Variants in CSMD1 observed in about 807,000 individuals in gnomAD.
The protein encoded by CSMD1 is CUB and Sushi multiple domains 1.
In CSMD1, 213 loss-of-function variants were observed where a neutral mutation model predicts 417.5. The ratio of observed to expected loss-of-function variants is 0.51; its 90% CI spans 0.46 to 0.57. The LOEUF is 0.57. Among genes scored for constraint, CSMD1 ranks in the 20% least tolerant of loss-of-function variants. CSMD1 has a pLI of 0.00. For synonymous variants in CSMD1, 2,862 were observed against 1,736.8 expected, an observed-to-expected ratio of 1.65 and a Z score of -16.11; for missense variants, 6,923 against 4,529.7, an observed-to-expected ratio of 1.53 and a Z score of -15.17.
In CSMD1 at chr8:4,267,072, G is replaced by A. The variant is rs534786499; in HGVS notation, c.415+152881C>T. Among the ~76,000 whole-genome samples, 2 of 103,688 alleles carry A rather than the reference G, an allele frequency of 1.9e-5. 1 individual carries two copies. Among genetic ancestry groups the A allele is most frequent in the African/African-American group, 5.2e-5 (2 of 38,334 alleles). 68.0% of individuals were successfully genotyped at this position (103,688 alleles called of 152,430 possible). ...TTCCTGTTAAAGAGACAAGAATAGA[G>A]TGTCTGTTTACTTCAATGTTATTTT... On this transcript the variant is annotated intron_variant, in intron 3 of 69. Coordinates refer to ENST00000635120, the MANE Select transcript of CSMD1 (RefSeq NM_033225.6).
At chr8:4,910,646 G>C (rs1049480564) in intron 1 of CSMD1, among the ~76,000 whole-genome samples, 2 of 152,134 alleles carry the variant, frequency 1.3e-5, no homozygotes, top group East Asian at 1.9e-4. Context: ...TTGGGGATTA[G>C]ATTTTAACAT....
chr8:3,657,434 T>A (rs1287165412), intron 7 of CSMD1, among the ~76,000 whole-genome samples: 2 of 152,044 alleles, frequency 1.3e-5, no homozygotes. Flanking sequence ...GAAAATGACT[T>A]GGAACCAACC....
In CSMD1 at chr8:4,465,017, G is replaced by A. The variant is rs183578139; in HGVS notation, c.303-44952C>T. ...TGAACCCAGGAGCTACCTTGGGAAAGGAAGAAAATAGGAAAAAAGGGAAAC... is the reference window on the plus strand; with the variant it reads ...TGAACCCAGGAGCTACCTTGGGAAAAGAAGAAAATAGGAAAAAAGGGAAAC... On this transcript the variant is annotated intron_variant, in intron 2 of 69. Coordinates refer to ENST00000635120, the MANE Select transcript of CSMD1 (RefSeq NM_033225.6). Among the ~76,000 whole-genome samples, 9 of 152,170 alleles carry A rather than the reference G, an allele frequency of 5.9e-5. No individual in the cohort carries two copies. In the South Asian group the frequency reaches 1.7e-3, roughly 28 times the overall value.
chr8:3,324,366 G>T (rs571398728), intron 23 of CSMD1, among the ~76,000 whole-genome samples: 2 of 149,958 alleles, frequency 1.3e-5, no homozygotes, highest in African/African-American at 4.9e-5. Context: ...CTAATCCCCA[G>T]GGACCCAGGA....
chr8:4,774,676 G>C (rs1796758195), intron 1 of CSMD1, among the ~76,000 whole-genome samples: 1 of 152,130 alleles, frequency 6.6e-6, no homozygotes, highest in South Asian at 2.1e-4. Context: ...GGAGATGGCA[G>C]AAGTATTGGC....
At chr8:4,765,013 T>C (rs1028291449) in intron 1 of CSMD1, among the ~76,000 whole-genome samples, 4 of 152,284 alleles carry the variant, frequency 2.6e-5, no homozygotes, top group South Asian at 2.1e-4. Flanking sequence ...TGGCTATTTC[T>C]TGTTTAATTA....
rs533570490 is a variant in CSMD1 at position 3,923,142 on chromosome 8, C to G, written c.818+74761G>C. ...AACTCATTAAAAGAGAGCTAGGGTC[C>G]CAGACCACGCCGAAGCTTCATGAGA... is the stretch of plus-strand genomic sequence containing the variant. On this transcript the variant is annotated intron_variant, in intron 5 of 69. Transcript: ENST00000635120. 1.1e-4 allele frequency among the ~76,000 whole-genome samples: 17 copies of G among 152,058 alleles called. No homozygotes were observed. The East Asian group carries it at 3.3e-3, about 29-fold the overall frequency.
chr8:3,336,079 G>GA (rs1417510409), intron 23 of CSMD1, among the ~76,000 whole-genome samples: 2 of 152,234 alleles, frequency 1.3e-5, no homozygotes, highest in African/African-American at 4.8e-5. Flanking sequence ...ACTGAAGTTA[G>GA]AAAAAAATCC....
chr8:3,076,132 TAAC>T (rs1813663464), intron 49 of CSMD1, among the ~76,000 whole-genome samples: 1 of 152,096 alleles, frequency 6.6e-6, no homozygotes, highest in East Asian at 1.9e-4. Context: ...AGGGCTGCCA[TAAC>T]AACACACCAC....
intron 1 of CSMD1, among the ~76,000 whole-genome samples, chr8:4,738,103 T>C (rs574439222): frequency 5.3e-4 from 80 of 152,228 alleles, no homozygotes; most frequent in Non-Finnish European, 9.0e-4. Context: ...GGGACAACAG[T>C]AAAGACACAC....
At chr8:4,979,063 T>C (rs1339936115) in intron 1 of CSMD1, among the ~76,000 whole-genome samples, 1 of 152,208 alleles carries the variant, frequency 6.6e-6, no homozygotes, top group Non-Finnish European at 1.5e-5. Flanking sequence ...CATAGTCACT[T>C]CAAATTTCCA....
chr8:3,905,527 A>T (rs1177543762), intron 5 of CSMD1, among the ~76,000 whole-genome samples: 1 of 152,198 alleles, frequency 6.6e-6, no homozygotes, highest in African/African-American at 2.4e-5. Context: ...GCGTTTCTCA[A>T]CATTCAGCAT....
chr8:3,513,368 C>A (rs903526239), intron 10 of CSMD1, among the ~76,000 whole-genome samples: 1 of 146,768 alleles, frequency 6.8e-6, no homozygotes, highest in African/African-American at 2.5e-5. Flanking sequence ...TGGAGTCTTA[C>A]TTTGTTACCC....
intron 5 of CSMD1, among the ~76,000 whole-genome samples, chr8:3,878,436 G>C (rs146276697): frequency 1.5e-4 from 23 of 152,126 alleles, no homozygotes; most frequent in African/African-American, 5.5e-4. Context: ...AATGATACCA[G>C]TCTTGCCTTT....
At chr8:3,316,681 C>T (rs556117298) in intron 23 of CSMD1, among the ~76,000 whole-genome samples, 50 of 152,110 alleles carry the variant, frequency 3.3e-4, no homozygotes, top group African/African-American at 7.5e-4. Context: ...TCCTTTTAAA[C>T]GTGTGGCGGT....
At chr8:4,161,107 A>G (rs1330855478) in intron 3 of CSMD1, among the ~76,000 whole-genome samples, 20 of 120,678 alleles carry the variant, frequency 1.7e-4, no homozygotes, top group South Asian at 8.6e-4. Flanking sequence ...TCCAGGAAAT[A>G]TAAACAAATA....
intron 3 of CSMD1, among the ~76,000 whole-genome samples, chr8:4,259,361 G>A (rs1286368331): frequency 6.6e-6 from 1 of 152,078 alleles, no homozygotes; most frequent in Non-Finnish European, 1.5e-5. Context: ...AAAGCGAGCG[G>A]ATCTCAAGAA....
chr8:3,987,133 C>G (rs966084833), intron 5 of CSMD1, among the ~76,000 whole-genome samples: 1 of 152,176 alleles, frequency 6.6e-6, no homozygotes, highest in African/African-American at 2.4e-5. Flanking sequence ...TATTTACACA[C>G]ACAGCGTCTA....
chr8:3,342,696 C>T (rs190196876), intron 23 of CSMD1, among the ~76,000 whole-genome samples: 4 of 152,238 alleles, frequency 2.6e-5, no homozygotes, highest in East Asian at 1.9e-4. Flanking sequence ...TGGGAAGCAC[C>T]GATAACTGGG....
Sources: gnomAD v4.1 joint callset for allele counts (sites outside exome capture counted in the v4.1 genomes callset) on GRCh38, gnomAD v4.1.1 for gene constraint, MANE v1.5 for transcripts, NCBI Gene and HGNC (gene_info 2026-07-23, HGNC 2026-07-21) for gene names.